The following SPEF2 variants were observed in gnomAD, a reference collection of about 807,000 sequenced individuals.
SPEF2 encodes sperm flagella and cilia-associated protein 2.
Under a neutral mutation model 224.6 loss-of-function variants are expected in SPEF2, and 187 were observed. That is an observed-to-expected ratio of 0.83 (90% confidence interval 0.74 to 0.94). The LOEUF is 0.94. SPEF2 is among the 40% of genes least tolerant of loss of function. The pLI, the probability that SPEF2 is intolerant of heterozygous loss-of-function variation, is 0.00. For missense variants in SPEF2, 2,170 were observed against 2,135.6 expected (o/e 1.02, Z -0.32); for synonymous variants, 715 against 707.3 (o/e 1.01, Z -0.17).
In SPEF2 at chr5:35,712,732, G is replaced by C. The variant is rs10064115; in HGVS notation, c.2840-80G>C. 35,440 of 1,371,698 alleles carry C rather than the reference G, an allele frequency of 0.026. 854 individuals are homozygous for C. Among genetic ancestry groups the C allele is most frequent in the Middle Eastern group, 0.086 (474 of 5,520 alleles). 85.0% of individuals were successfully genotyped at this position (1,371,698 alleles called of 1,614,324 possible). On this transcript the variant is annotated intron_variant, in intron 19 of 36. Transcript: ENST00000356031. ...TGTAACTGTTTACCTATGGGAAATA[G>C]CATTAGCTTGCTTACAATCATATAG...
chr5:35,653,096 G>T (rs1042561457), intron 6 of SPEF2, among the ~76,000 whole-genome samples: 1 of 152,168 alleles, frequency 6.6e-6, no homozygotes, highest in African/African-American at 2.4e-5. Context: ...ACATAAAAAT[G>T]TATCTTTTAA....
At chr5:35,661,493 G>A (rs1236246516) in intron 8 of SPEF2, among the ~76,000 whole-genome samples, 1 of 151,204 alleles carries the variant, frequency 6.6e-6, no homozygotes, top group African/African-American at 2.4e-5. Context: ...TGTGTCATGG[G>A]GGTTTGTTGT....
At chr5:35,779,084 TG>T in intron 29 of SPEF2, 32 bp from the exon 30 acceptor site, 2 of 1,504,440 alleles carry the variant, frequency 1.3e-6, no homozygotes, top group Non-Finnish European at 1.8e-6. Context: ...GTATCTTTCA[TG>T]GGGTTAACGC....
At chr5:35,783,954 G>T (rs948328497) in intron 30 of SPEF2, among the ~76,000 whole-genome samples, 2 of 152,080 alleles carry the variant, frequency 1.3e-5, no homozygotes, top group Non-Finnish European at 2.9e-5. Context: ...CAGAGATTTG[G>T]TGCATAGCTA....
rs189250458 is a variant in SPEF2 at position 35,759,893 on chromosome 5, C to T, written c.3620+174C>T. Among the ~76,000 whole-genome samples the T allele has an allele frequency of 4.8e-3, 723 of 151,918 alleles. 5 individuals are homozygous for T. Among genetic ancestry groups the T allele is most frequent in the African/African-American group, 0.017 (686 of 41,458 alleles). ...ACGTTAGTGTGTCATTGACTTAAGA[C>T]TACTAATATACATTATCCAATTTAT... is the stretch of plus-strand genomic sequence containing the variant. On this transcript the variant is annotated intron_variant, in intron 25 of 36. Coordinates refer to ENST00000356031, the MANE Select transcript of SPEF2 (RefSeq NM_024867.4).
At position 35,774,018 on chromosome 5, in the gene SPEF2, G is replaced by A. The variant is rs776342521; in HGVS notation, c.4075G>A (p.Glu1359Lys). 7 of 1,611,642 alleles carry A rather than the reference G, an allele frequency of 4.3e-6. No homozygotes were observed. In the Admixed American group the frequency reaches 1.2e-4, roughly 27 times the overall value. ...AGAACACCTTGCTGCCTTGCAATTT[G>A]AAGGTAGCGATTGAAACGACTAAGA... Reference protein sequence around the residue: ...KEEHLAALQFEEIATQFRLEL... With the variant: ...KEEHLAALQFKEIATQFRLEL... The change falls in exon 28 of 37, where the codon GAA becomes AAA. Residue 1359 changes from glutamate (E) to lysine (K), a missense_variant. Coordinates refer to ENST00000356031, the MANE Select transcript of SPEF2 (RefSeq NM_024867.4).
chr5:35,639,968 C>G (rs1200206054), intron 2 of SPEF2, among the ~76,000 whole-genome samples: 1 of 152,078 alleles, frequency 6.6e-6, no homozygotes, highest in African/African-American at 2.4e-5. Flanking sequence ...CACACAAGTT[C>G]TGTTCCCCAA....
In SPEF2 at chr5:35,641,573, A is replaced by G. The variant is rs760114854; in HGVS notation, c.304A>G (p.Ile102Val). 13 of 1,613,708 alleles carry G rather than the reference A, an allele frequency of 8.1e-6. No homozygotes were observed. The East Asian group carries it at 2.9e-4, about 36-fold the overall frequency. The change falls in exon 3 of 37, where the codon ATT becomes GTT. Residue 102 changes from isoleucine to valine, a missense_variant. Transcript: ENST00000356031. ...AACAAAGCTGTTATATCAATTGTACATTGCTCTTCAGAAAAAGAAGAAAAG... is the reference window on the plus strand; with the variant it reads ...AACAAAGCTGTTATATCAATTGTACGTTGCTCTTCAGAAAAAGAAGAAAAG... ...VATKLLYQLY[I>V]ALQKKKKSGL... is the part of the protein sequence containing the mutation.
In SPEF2 at chr5:35,806,723, C is replaced by T. The variant is rs1031424004; in HGVS notation, c.5027C>T (p.Ala1676Val). ...PSAEKTSSTD[A>V]GPAEEFPEPE... ...ACTTTGCAGACCTCCTCAACTGATG[C>T]AGGTCCAGCTGAGGAATTTCCTGAA... Residue 1676 changes from alanine to valine, a missense_variant, in exon 35 of 37, where the codon GCA becomes GTA. By Grantham distance (64) the Ala-to-Val change is moderately conservative. Transcript: ENST00000356031. 8.1e-6 allele frequency: 13 copies of T among 1,612,864 alleles called. No individual in the cohort carries two copies. Among genetic ancestry groups the T allele is most frequent in the Non-Finnish European group, 1.0e-5 (12 of 1,179,686 alleles).
chr5:35,811,663 G>T (rs548310761), intron 36 of SPEF2, among the ~76,000 whole-genome samples: 1 of 151,110 alleles, frequency 6.6e-6, no homozygotes, highest in Admixed American at 6.6e-5. Context: ...TACATATAAA[G>T]TGTTTAACTC....
chr5:35,716,567 T>C lies in SPEF2; in HGVS notation c.2914+3681T>C, dbSNP rs141652139. Among the ~76,000 whole-genome samples, 688 of 152,306 alleles carry C rather than the reference T, an allele frequency of 4.5e-3. 5 individuals carry two copies. Among genetic ancestry groups the C allele is most frequent in the African/African-American group, 0.016 (671 of 41,568 alleles). On this transcript the variant is annotated intron_variant, in intron 20 of 36. Transcript: ENST00000356031. ...CAGCAAAATATATACATTGGAGCCA[T>C]GTAGTTAGCTCAAATTAACTACAAA... is the stretch of plus-strand genomic sequence containing the variant.
At chr5:35,763,820 C>A in intron 26 of SPEF2, 118 bp downstream of exon 26, 2 of 867,482 alleles carry the variant, frequency 2.3e-6, no homozygotes, top group Non-Finnish European at 3.3e-6. Context: ...GAAAATTGTA[C>A]CTTCGAAACA....
intron 21 of SPEF2, 150 bp downstream of exon 21, chr5:35,727,973 A>G: frequency 1.3e-6 from 1 of 742,260 alleles, no homozygotes; most frequent in Non-Finnish European, 2.1e-6. Flanking sequence ...CTACTCAATG[A>G]CCCATATCTC....
chr5:35,718,089 G>C (rs922551180), intron 20 of SPEF2, among the ~76,000 whole-genome samples: 5 of 152,146 alleles, frequency 3.3e-5, no homozygotes, highest in Admixed American at 2.6e-4. Context: ...CAAGGGGAGG[G>C]ATAAGGACAG....
At chr5:35,755,506 C>T (rs1048258004) in intron 24 of SPEF2, among the ~76,000 whole-genome samples, 2 of 152,118 alleles carry the variant, frequency 1.3e-5, no homozygotes, top group Non-Finnish European at 2.9e-5. Flanking sequence ...GAACCAATAT[C>T]TAAGACCAAC....
intron 34 of SPEF2, among the ~76,000 whole-genome samples, chr5:35,805,135 A>T (rs1266070729): frequency 6.6e-6 from 1 of 152,212 alleles, no homozygotes; most frequent in Non-Finnish European, 1.5e-5. Context: ...AGCCTGCAGG[A>T]AAATTATATA....
chr5:35,655,432 A>G (rs1748837161), intron 7 of SPEF2, among the ~76,000 whole-genome samples: 1 of 152,230 alleles, frequency 6.6e-6, no homozygotes, highest in African/African-American at 2.4e-5. Flanking sequence ...CCTGTCTCCC[A>G]GAGCTTTCTG....
chr5:35,671,288 A>G, intron 10 of SPEF2: 2 of 970,946 alleles, frequency 2.1e-6, no homozygotes, highest in Non-Finnish European at 1.2e-6. Context: ...ACAAGAAGAT[A>G]ACCTTGTGGT....
At chr5:35,630,347 A>G (rs985367221) in intron 2 of SPEF2, among the ~76,000 whole-genome samples, 3 of 152,094 alleles carry the variant, frequency 2.0e-5, no homozygotes, top group Non-Finnish European at 4.4e-5. Context: ...TCCCTTCTGC[A>G]CTGCCCTAGC....
Sources: allele counts gnomAD v4.1 joint callset (sites outside exome capture counted in the v4.1 genomes callset), GRCh38; gene constraint gnomAD v4.1.1; transcripts MANE v1.5; gene names NCBI Gene and HGNC (gene_info 2026-07-23, HGNC 2026-07-21).